Variants in MYOC observed in about 807,000 individuals in gnomAD.
MYOC encodes myocilin, also known as juvenile-onset open-angle glaucoma 1.
Under a neutral mutation model 28.2 loss-of-function variants are expected in MYOC, and 29 were observed. That is an observed-to-expected ratio of 1.03 (90% confidence interval 0.77 to 1.40). The LOEUF is 1.40. Among genes scored for constraint, MYOC ranks in the 40% most tolerant of loss-of-function variants. The pLI, the probability that MYOC is intolerant of heterozygous loss-of-function variation, is 0.00. For synonymous variants in MYOC, 240 were observed against 245.6 expected, an observed-to-expected ratio of 0.98 and a Z score of 0.21; for missense variants, 569 against 620.6, an observed-to-expected ratio of 0.92 and a Z score of 0.88.
chr1:171,649,189 C>T (rs1653293334), intron 1 of MYOC, among the ~76,000 whole-genome samples: 1 of 151,874 alleles, frequency 6.6e-6, no homozygotes, highest in African/African-American at 2.4e-5. Context: ...TTCTACATAA[C>T]AACTATTAAT....
chr1:171,649,621 C>A (rs1484877996), intron 1 of MYOC, among the ~76,000 whole-genome samples: 1 of 152,168 alleles, frequency 6.6e-6, no homozygotes, highest in Non-Finnish European at 1.5e-5. Context: ...CATGGTGAAA[C>A]CCTGTCTCTA....
At chr1:171,645,077 C>T (rs947584249) in intron 1 of MYOC, among the ~76,000 whole-genome samples, 59 of 152,206 alleles carry the variant, frequency 3.9e-4, no homozygotes, top group African/African-American at 1.4e-3. Flanking sequence ...TTGAAGTGAG[C>T]GCGATGTTGA....
intron 1 of MYOC, among the ~76,000 whole-genome samples, chr1:171,648,631 T>TATTATATATATAATAGATTTATATATATA (rs1653261192): frequency 6.8e-6 from 1 of 146,752 alleles, no homozygotes. Flanking sequence ...ATATGTATTT[T>TATTATATATATAATAGATTTATATATATA]ATTATATATA....
At chr1:171,643,059 C>A (rs1467043231) in intron 1 of MYOC, among the ~76,000 whole-genome samples, 1 of 152,056 alleles carries the variant, frequency 6.6e-6, no homozygotes, top group African/African-American at 2.4e-5. Flanking sequence ...TATTTCATTC[C>A]CTGCGTCTCC....
At chr1:171,645,507 C>T (rs1265708724) in intron 1 of MYOC, among the ~76,000 whole-genome samples, 1 of 152,232 alleles carries the variant, frequency 6.6e-6, no homozygotes, top group Non-Finnish European at 1.5e-5. Context: ...GCTTGTCCGG[C>T]ACCCTCCCTC....
intron 1 of MYOC, among the ~76,000 whole-genome samples, chr1:171,650,687 A>G (rs1653332835): frequency 6.6e-6 from 1 of 152,196 alleles, no homozygotes; most frequent in South Asian, 2.1e-4. Context: ...ATATTTTCTC[A>G]TAATTTTAAA....
chr1:171,637,196 G>GGT (rs1652944722), intron 2 of MYOC, among the ~76,000 whole-genome samples: 1 of 152,080 alleles, frequency 6.6e-6, no homozygotes, highest in South Asian at 2.1e-4. Flanking sequence ...AGCTGGGCAG[G>GGT]GACCCATGGG....
intron 2 of MYOC, 24 bp from the exon 3 acceptor site, chr1:171,636,733 G>A (rs773145867): frequency 2.1e-5 from 34 of 1,596,986 alleles, no homozygotes; most frequent in Admixed American, 6.7e-5. Flanking sequence ...AAAAGAAAAC[G>A]AAGCACCACT....
At chr1:171,640,059 G>C (rs1653036951) in intron 1 of MYOC, among the ~76,000 whole-genome samples, 1 of 143,474 alleles carries the variant, frequency 7.0e-6, no homozygotes, top group Non-Finnish European at 1.5e-5. Context: ...AGACCAGCTT[G>C]GGCAACATAG....
rs1164987138 is a variant in MYOC at position 171,652,223 on chromosome 1, T to C, written c.389A>G (p.Gln130Arg). Residue 130 changes from glutamine to arginine, a missense_variant, in exon 1 of 3, where the codon CAG (glutamine) becomes CGG (arginine). Transcript: ENST00000037502. ...ELGTLRRERDQLETQTRELET... is the reference protein window; with the variant it reads ...ELGTLRRERDRLETQTRELET... ...CAACTCTCTGGTTTGGGTTTCCAGC[T>C]GGTCCCGCTCCCGCCTCAGGGTGCC... 1 of 1,614,238 alleles carries C rather than the reference T, an allele frequency of 6.2e-7. No individual in the cohort carries two copies. The highest frequency in any genetic ancestry group is 1.1e-5 in the South Asian group (1 of 91,078).
At chr1:171,647,297 G>A (rs144059958) in intron 1 of MYOC, among the ~76,000 whole-genome samples, 12,178 of 151,898 alleles carry the variant, frequency 0.08, 743 homozygotes, top group South Asian at 0.33. Context: ...AGGCTGAGGC[G>A]GGTGGATCAC....
In MYOC at chr1:171,642,723, C is replaced by T. The variant is rs201743265; in HGVS notation, c.605-4001G>A. On this transcript the variant is annotated intron_variant, in intron 1 of 2. Coordinates refer to ENST00000037502, the MANE Select transcript of MYOC (RefSeq NM_000261.2). ...TCCAGGGGCAATTGGGAGTACCCCC[C>T]GGGACATGGCAGGCCTTCATTATTC... is the stretch of plus-strand genomic sequence containing the variant. Among the ~76,000 whole-genome samples the T allele has an allele frequency of 3.5e-4, 54 of 152,142 alleles. 1 individual carries two copies. In the South Asian group the frequency reaches 0.011, roughly 32 times the overall value.
At chr1:171,644,433 A>C (rs1011968675) in intron 1 of MYOC, among the ~76,000 whole-genome samples, 3 of 152,118 alleles carry the variant, frequency 2.0e-5, no homozygotes, top group Admixed American at 1.3e-4. Context: ...CCTACCAGTC[A>C]GTGGGGAGAA....
intron 1 of MYOC, among the ~76,000 whole-genome samples, chr1:171,647,027 A>G (rs896269695): frequency 6.6e-6 from 1 of 152,218 alleles, no homozygotes; most frequent in Non-Finnish European, 1.5e-5. Context: ...TTCAGTCCAT[A>G]TTACATAAAT....
intron 1 of MYOC, among the ~76,000 whole-genome samples, chr1:171,646,117 C>T (rs568195544): frequency 2.4e-4 from 37 of 152,284 alleles, no homozygotes; most frequent in African/African-American, 5.5e-4. Flanking sequence ...ATCTGGCATG[C>T]GGGTGGAAGC....
At chr1:171,649,961 C>A (rs191159074) in intron 1 of MYOC, among the ~76,000 whole-genome samples, 1 of 152,156 alleles carries the variant, frequency 6.6e-6, no homozygotes, top group Non-Finnish European at 1.5e-5. Context: ...AGGTCCCTTT[C>A]CAGTTCCACA....
In MYOC at chr1:171,636,374, C is replaced by G; in HGVS notation, c.1066G>C (p.Ala356Pro). The G allele has an allele frequency of 6.2e-7, 1 of 1,614,116 alleles. No homozygotes were observed. The highest frequency in any genetic ancestry group is 8.5e-7 in the Non-Finnish European group (1 of 1,180,030). Residue 356 changes from alanine to proline, a missense_variant, in exon 3 of 3, where the codon GCT becomes CCT. Coordinates refer to ENST00000037502, the MANE Select transcript of MYOC (RefSeq NM_000261.2). ...RYELNTETVK[A>P]EKEIPGAGYH... ...CCAGCTCCAGGGATTTCCTTCTCAGCCTTCACTGTCTCGGTATTCAGCTCA... is the reference window on the plus strand; with the variant it reads ...CCAGCTCCAGGGATTTCCTTCTCAGGCTTCACTGTCTCGGTATTCAGCTCA...
At chr1:171,645,427 A>G (rs1437929411) in intron 1 of MYOC, among the ~76,000 whole-genome samples, 1 of 152,158 alleles carries the variant, frequency 6.6e-6, no homozygotes, top group Non-Finnish European at 1.5e-5. Context: ...GCTGCAGACC[A>G]GCTGAGGCCT....
Position 171,652,161 on chromosome 1 carries a change from C to T in MYOC, c.451G>A (p.Val151Ile). The T allele has an allele frequency of 6.2e-7, 1 of 1,614,194 alleles. No homozygotes were observed. The highest frequency in any genetic ancestry group is 8.5e-7 in the Non-Finnish European group (1 of 1,180,036). The stretch of plus-strand genomic sequence containing the variant: ...AGTCGCTTCTTCTCTTCCTCCAGAA[C>T]TGACTTGTCTCGGAGGAGGTTGCTG... ...AYSNLLRDKS[V>I]LEEEKKRLRQ... is the part of the protein sequence containing the mutation. The change falls in exon 1 of 3, where the codon GTT becomes ATT. Residue 151 changes from valine (V) to isoleucine (I), a missense_variant. Val to Ile is a conservative substitution (Grantham distance 29, BLOSUM62 3). Coordinates refer to ENST00000037502, the MANE Select transcript of MYOC (RefSeq NM_000261.2).
Sources: gnomAD v4.1 joint callset for allele counts (sites outside exome capture counted in the v4.1 genomes callset) on GRCh38, gnomAD v4.1.1 for gene constraint, MANE v1.5 for transcripts, NCBI Gene and HGNC (gene_info 2026-07-23, HGNC 2026-07-21) for gene names.